Variants in VPS13B observed in about 807,000 individuals in gnomAD.
VPS13B encodes intermembrane lipid transfer protein VPS13B.
Under a neutral mutation model 426.4 loss-of-function variants are expected in VPS13B, and 285 were observed. That is an observed-to-expected ratio of 0.67 (90% CI 0.61 to 0.74). VPS13B has a LOEUF of 0.74. VPS13B is among the 30% of genes least tolerant of loss of function. The pLI, the probability that VPS13B is intolerant of heterozygous loss-of-function variation, is 0.00. For synonymous variants in VPS13B, 1,676 were observed against 1,676.4 expected, an observed-to-expected ratio of 1.00 and a Z score of 0.01; for missense variants, 4,537 against 4,782.6, an observed-to-expected ratio of 0.95 and a Z score of 1.51.
intron 17 of VPS13B, among the ~76,000 whole-genome samples, chr8:99,204,256 G>A (rs949935708): frequency 2.4e-4 from 37 of 152,134 alleles, no homozygotes; most frequent in Admixed American, 6.5e-5. Context: ...CTAGCAATGG[G>A]GAAAGGATTC....
chr8:99,686,437 G>A (rs932677608), intron 35 of VPS13B, among the ~76,000 whole-genome samples: 1 of 152,036 alleles, frequency 6.6e-6, no homozygotes, highest in African/African-American at 2.4e-5. Context: ...TCCCTACAGG[G>A]CAGTGAAATT....
intron 44 of VPS13B, 54 bp from the exon 45 acceptor site, chr8:99,817,486 T>C (rs962860101): frequency 1.1e-5 from 18 of 1,596,630 alleles, no homozygotes; most frequent in Non-Finnish European, 1.5e-5. Flanking sequence ...ATAACATATT[T>C]CCAGTTAATG....
intron 39 of VPS13B, among the ~76,000 whole-genome samples, chr8:99,728,203 A>C (rs1327235534): frequency 6.6e-6 from 1 of 152,204 alleles, no homozygotes; most frequent in Non-Finnish European, 1.5e-5. Context: ...ATACCACTGA[A>C]ATTTTCTGAG....
At chr8:99,202,132 G>A (rs552094191) in intron 17 of VPS13B, among the ~76,000 whole-genome samples, 3 of 152,320 alleles carry the variant, frequency 2.0e-5, no homozygotes, top group Non-Finnish European at 4.4e-5. Flanking sequence ...AGTCAGAATT[G>A]TAGTCTAGGT....
In VPS13B at chr8:99,580,329, T is replaced by C. The variant is rs1432705755; in HGVS notation, c.5220+2696T>C. Among the ~76,000 whole-genome samples the C allele has an allele frequency of 5.4e-4, 80 of 148,464 alleles. 1 individual carries two copies. The highest frequency in any genetic ancestry group is 5.9e-5 in the Non-Finnish European group (4 of 67,314). Reference sequence around the variant, plus strand: ...TAATTAATATATATAACATTAAATATATATATATATATTTCTTTTCTTTTC... The same window carrying C: ...TAATTAATATATATAACATTAAATACATATATATATATTTCTTTTCTTTTC... On this transcript the variant is annotated intron_variant, in intron 33 of 61. Transcript: ENST00000357162.
chr8:99,566,166 T>A (rs1825170211), intron 31 of VPS13B, among the ~76,000 whole-genome samples: 2 of 152,154 alleles, frequency 1.3e-5, no homozygotes, highest in Non-Finnish European at 2.9e-5. Context: ...ATGGTGTAGA[T>A]ATAACAGGGC....
intron 17 of VPS13B, among the ~76,000 whole-genome samples, chr8:99,227,104 C>CT (rs1403540165): frequency 3.3e-5 from 5 of 152,090 alleles, no homozygotes; most frequent in African/African-American, 1.2e-4. Flanking sequence ...ATGATACCAA[C>CT]TTTTTTAGCT....
At chr8:99,199,496 G>A (rs560790000) in intron 17 of VPS13B, among the ~76,000 whole-genome samples, 2 of 152,188 alleles carry the variant, frequency 1.3e-5, no homozygotes, top group South Asian at 4.1e-4. Context: ...TAAAGTCTAC[G>A]TTTGACTGTA....
Position 99,696,828 on chromosome 8 carries a change from A to G in VPS13B, c.6047-2697A>G, listed in dbSNP as rs1832027964. ...ACCCTGGACAACCTGTCACGGCCGC[A>G]GCTGGTGGCGCCGTGCAAGCTGCTG... On this transcript the variant is annotated intron_variant, in intron 35 of 61. Transcript: ENST00000357162. 5.6e-6 allele frequency: 7 copies of G among 1,247,638 alleles called. No individual in the cohort carries two copies. In the South Asian group the frequency reaches 7.1e-5, roughly 13 times the overall value. 77.3% of individuals were successfully genotyped at this position (1,247,638 alleles called of 1,614,324 possible). A position where few individuals can be genotyped will look rare whatever the true frequency, so the allele number is the denominator to read the frequency against.
At chr8:99,395,398 A>G (rs1259886627) in intron 21 of VPS13B, among the ~76,000 whole-genome samples, 1 of 152,194 alleles carries the variant, frequency 6.6e-6, no homozygotes, top group Non-Finnish European at 1.5e-5. Flanking sequence ...AATGATTCCC[A>G]TCCTTACACA....
intron 25 of VPS13B, among the ~76,000 whole-genome samples, chr8:99,483,009 G>A (rs1820124758): frequency 6.6e-6 from 1 of 152,010 alleles, no homozygotes; most frequent in Admixed American, 6.6e-5. Flanking sequence ...TTTTGTTTCT[G>A]CATAAAGACA....
chr8:99,294,508 T>G (rs1015238433), intron 19 of VPS13B, among the ~76,000 whole-genome samples: 16 of 149,822 alleles, frequency 1.1e-4, no homozygotes, highest in Non-Finnish European at 3.0e-5. Context: ...ACCTGCACAA[T>G]GTGCACATGT....
At chr8:99,130,999 T>C (rs1011716865) in intron 8 of VPS13B, among the ~76,000 whole-genome samples, 4 of 152,240 alleles carry the variant, frequency 2.6e-5, no homozygotes, top group African/African-American at 9.6e-5. Flanking sequence ...AAGTTAAATA[T>C]TGGTTTTTTT....
chr8:99,600,403 G>A (rs1454439905), intron 33 of VPS13B, among the ~76,000 whole-genome samples: 1 of 152,112 alleles, frequency 6.6e-6, no homozygotes, highest in Admixed American at 6.6e-5. Flanking sequence ...TGACCTAACC[G>A]GTATGGATGT....
intron 43 of VPS13B, among the ~76,000 whole-genome samples, chr8:99,801,717 A>C (rs1369818574): frequency 6.6e-6 from 1 of 152,154 alleles, no homozygotes; most frequent in Non-Finnish European, 1.5e-5. Flanking sequence ...AATTATTCTT[A>C]CTGAATATCT....
chr8:99,649,383 T>C (rs1402688233), intron 34 of VPS13B, among the ~76,000 whole-genome samples: 1 of 152,192 alleles, frequency 6.6e-6, no homozygotes, highest in Admixed American at 6.5e-5. Context: ...AATATTGTCC[T>C]ACAAATCTCT....
chr8:99,057,910 A>G (rs1363551093), intron 3 of VPS13B, among the ~76,000 whole-genome samples: 1 of 152,076 alleles, frequency 6.6e-6, no homozygotes, highest in African/African-American at 2.4e-5. Context: ...CATTTTTCAC[A>G]CTGTCTCTAG....
Position 99,585,634 on chromosome 8 carries a change from C to A in VPS13B, c.5220+8001C>A, listed in dbSNP as rs539747799. Among the ~76,000 whole-genome samples, 16 of 152,194 alleles carry A rather than the reference C, an allele frequency of 1.1e-4. No homozygotes were observed. The South Asian group carries it at 2.9e-3, about 28-fold the overall frequency. On this transcript the variant is annotated intron_variant, in intron 33 of 61. Coordinates refer to ENST00000357162, the MANE Select transcript of VPS13B (RefSeq NM_152564.5). Reference sequence around the variant, plus strand: ...TTTTAGACAAAATCCAATACCCTTTCATAATAAAAACATGCAAAAAACTAG... The same window carrying A: ...TTTTAGACAAAATCCAATACCCTTTAATAATAAAAACATGCAAAAAACTAG...
At chr8:99,090,223 C>T (rs936534525) in intron 3 of VPS13B, among the ~76,000 whole-genome samples, 9 of 151,476 alleles carry the variant, frequency 5.9e-5, no homozygotes, top group African/African-American at 2.2e-4. Flanking sequence ...GAAATACTTG[C>T]TGCCTAGTAA....
Sources: allele counts gnomAD v4.1 joint callset (sites outside exome capture counted in the v4.1 genomes callset), GRCh38; gene constraint gnomAD v4.1.1; transcripts MANE v1.5; gene names NCBI Gene and HGNC (gene_info 2026-07-23, HGNC 2026-07-21).